Variants in KCNB2 observed in about 807,000 individuals in gnomAD.
KCNB2 encodes delayed rectifier potassium channel protein.
Under a neutral mutation model 61.5 loss-of-function variants are expected in KCNB2, and 15 were observed. The ratio of observed to expected loss-of-function variants is 0.24; its 90% confidence interval spans 0.16 to 0.38. The LOEUF is 0.38. KCNB2 is among the 10% of genes least tolerant of loss of function. The pLI, the probability that KCNB2 is intolerant of heterozygous loss-of-function variation, is 1.00. For synonymous variants in KCNB2, 457 were observed against 446.0 expected (o/e 1.02, Z -0.31); for missense variants, 828 against 1,125.2 (o/e 0.74, Z 3.78).
rs543995684 is a variant in KCNB2, at chr8:72,620,036, A to G, written c.579+51723A>G. Among the ~76,000 whole-genome samples, 30 of 152,384 alleles carry G rather than the reference A, an allele frequency of 2.0e-4. 1 individual carries two copies. In the South Asian group the frequency reaches 5.8e-3, roughly 29 times the overall value. The stretch of plus-strand genomic sequence containing the variant: ...AAATAGTTCATTTATAAATTCTTAT[A>G]CTGATTGCATGCTGCAATAATATTT... On this transcript the variant is annotated intron_variant, in intron 2 of 2. Coordinates refer to ENST00000523207, the MANE Select transcript of KCNB2 (RefSeq NM_004770.3).
intron 2 of KCNB2, among the ~76,000 whole-genome samples, chr8:72,653,482 C>T (rs2128986615): frequency 6.6e-6 from 1 of 152,090 alleles, no homozygotes. Flanking sequence ...TTTGATATCA[C>T]CTGCCGTATC....
intron 2 of KCNB2, among the ~76,000 whole-genome samples, chr8:72,757,303 A>G (rs187836402): frequency 6.6e-6 from 1 of 152,304 alleles, no homozygotes; most frequent in Admixed American, 6.5e-5. Flanking sequence ...GACTTACACT[A>G]GAGCATTTTA....
intron 2 of KCNB2, among the ~76,000 whole-genome samples, chr8:72,788,751 T>A (rs1347755400): frequency 3.3e-5 from 5 of 152,144 alleles, no homozygotes; most frequent in Non-Finnish European, 7.3e-5. Flanking sequence ...TATATGAAAT[T>A]GCAATAATTA....
chr8:72,756,533 A>G (rs1048905997), intron 2 of KCNB2, among the ~76,000 whole-genome samples: 1 of 152,212 alleles, frequency 6.6e-6, no homozygotes, highest in Non-Finnish European at 1.5e-5. Flanking sequence ...CTGGCTAATT[A>G]TAACATATTT....
intron 1 of KCNB2, among the ~76,000 whole-genome samples, chr8:72,551,051 A>G (rs184805101): frequency 2.9e-4 from 44 of 152,286 alleles, no homozygotes; most frequent in African/African-American, 1.0e-3. Context: ...TCAGGAAGAC[A>G]GGGTGATGTT....
chr8:72,560,968 A>T (rs2128978128), intron 1 of KCNB2, among the ~76,000 whole-genome samples: 1 of 152,292 alleles, frequency 6.6e-6, no homozygotes, highest in Admixed American at 6.5e-5. Context: ...TCTAAACAAA[A>T]TAGTTTATTT....
At chr8:72,892,722 T>G (rs1190289067) in intron 2 of KCNB2, among the ~76,000 whole-genome samples, 1 of 152,176 alleles carries the variant, frequency 6.6e-6, no homozygotes, top group Admixed American at 6.5e-5. Context: ...CCTATACTAC[T>G]TCTTATCCTA....
chr8:72,575,304 G>A (rs1806778579), intron 2 of KCNB2, among the ~76,000 whole-genome samples: 1 of 118,186 alleles, frequency 8.5e-6, no homozygotes, highest in Non-Finnish European at 1.6e-5. Flanking sequence ...TGATATATAT[G>A]GTATATATTG....
intron 2 of KCNB2, among the ~76,000 whole-genome samples, chr8:72,725,597 A>ATATATATATGTATGTGTG (rs1563572076): frequency 3.9e-4 from 20 of 50,786 alleles, no homozygotes; most frequent in Admixed American, 1.1e-3. Context: ...GTATGTATAT[A>ATATATATATGTATGTGTG]TATATATATA....
chr8:72,908,098 T>C (rs1806210278), intron 2 of KCNB2, among the ~76,000 whole-genome samples: 1 of 152,122 alleles, frequency 6.6e-6, no homozygotes. Flanking sequence ...TCTTGGGTAT[T>C]TTTTTTCACC....
At chr8:72,568,338 C>T in intron 2 of KCNB2, 25 bp downstream of exon 2, 2 of 1,566,570 alleles carry the variant, frequency 1.3e-6, no homozygotes, top group Non-Finnish European at 1.7e-6. Flanking sequence ...GTATTGCTTG[C>T]CTGTGTGTGG....
At chr8:72,807,370 CTT>C (rs1259518594) in intron 2 of KCNB2, among the ~76,000 whole-genome samples, 1 of 152,176 alleles carries the variant, frequency 6.6e-6, no homozygotes, top group Non-Finnish European at 1.5e-5. Flanking sequence ...ATGAGATGCT[CTT>C]GAGTAAGCCT....
intron 2 of KCNB2, among the ~76,000 whole-genome samples, chr8:72,884,942 G>A (rs182108230): frequency 1.3e-5 from 2 of 151,972 alleles, no homozygotes; most frequent in Non-Finnish European, 2.9e-5. Flanking sequence ...ATCTCTATTG[G>A]GATTTCAATT....
intron 2 of KCNB2, among the ~76,000 whole-genome samples, chr8:72,632,164 T>G (rs1585796303): frequency 1.3e-5 from 2 of 152,176 alleles, no homozygotes; most frequent in South Asian, 4.2e-4. Flanking sequence ...GAGGATCACA[T>G]GAGCCCAAGA....
At chr8:72,862,078 A>G (rs1044105192) in intron 2 of KCNB2, among the ~76,000 whole-genome samples, 8 of 152,186 alleles carry the variant, frequency 5.3e-5, no homozygotes, top group African/African-American at 1.9e-4. Context: ...AGGGTGAGAC[A>G]TGAGAATTGC....
At chr8:72,862,342 G>C (rs922154759) in intron 2 of KCNB2, among the ~76,000 whole-genome samples, 1 of 152,192 alleles carries the variant, frequency 6.6e-6, no homozygotes, top group Non-Finnish European at 1.5e-5. Context: ...CAGATGTAAA[G>C]AGAAGTAAAA....
intron 2 of KCNB2, among the ~76,000 whole-genome samples, chr8:72,689,571 C>T (rs778319100): frequency 2.0e-5 from 3 of 152,178 alleles, no homozygotes; most frequent in African/African-American, 2.4e-5. Flanking sequence ...TTCCCACTCC[C>T]AGCCCCAGGA....
chr8:72,589,420 G>A (rs1356928292), intron 2 of KCNB2, among the ~76,000 whole-genome samples: 2 of 152,190 alleles, frequency 1.3e-5, no homozygotes. Context: ...TGTTAGTTCA[G>A]TATGTGAGTT....
intron 2 of KCNB2, among the ~76,000 whole-genome samples, chr8:72,569,112 C>T (rs1806671541): frequency 6.6e-6 from 1 of 152,022 alleles, no homozygotes; most frequent in Non-Finnish European, 1.5e-5. Flanking sequence ...CTAGAGCTTC[C>T]AAGGTTAGCT....
Sources: gnomAD v4.1 joint callset for allele counts (sites outside exome capture counted in the v4.1 genomes callset) on GRCh38, gnomAD v4.1.1 for gene constraint, MANE v1.5 for transcripts, NCBI Gene and HGNC (gene_info 2026-07-23, HGNC 2026-07-21) for gene names.